The following RGN variants were observed in gnomAD, a reference collection of about 807,000 sequenced individuals.
RGN encodes regucalcin, also known as epididymis secretory protein Li 41.
Under a neutral mutation model 20.6 loss-of-function variants are expected in RGN, and 19 were observed. The observed-to-expected ratio is 0.92, with a 90% CI of 0.64 to 1.35. The LOEUF (loss-of-function observed/expected upper bound fraction) is 1.35. RGN is among the 40% of genes most tolerant of loss of function. The pLI, the probability that RGN is intolerant of heterozygous loss-of-function variation, is 0.00. For synonymous variants in RGN, 85 were observed against 87.2 expected, an observed-to-expected ratio of 0.97 and a Z score of 0.14; for missense variants, 302 against 232.7, an observed-to-expected ratio of 1.30 and a Z score of -1.94.
intron 3 of RGN, among the ~76,000 whole-genome samples, chrX:47,082,962 G>T (rs1229787613): frequency 1.8e-5 from 2 of 111,131 alleles, no homozygotes; most frequent in Admixed American, 9.7e-5. Context: ...TGAGCTAAGG[G>T]TGGCTCCTGA....
chrX:47,091,383 G>A (rs991673269), intron 5 of RGN, among the ~76,000 whole-genome samples: 4 of 111,837 alleles, frequency 3.6e-5, no homozygotes, highest in African/African-American at 9.7e-5. Flanking sequence ...TAGACATGCA[G>A]GGCCCCAGTT....
At position 47,092,954 on chromosome X, in the gene RGN, G is replaced by C; in HGVS notation, c.*7G>C. The C allele has an allele frequency of 8.4e-7, 1 of 1,191,040 alleles. No homozygotes were observed. The highest frequency in any genetic ancestry group is 3.0e-5 in the East Asian group (1 of 33,654). On this transcript the variant is annotated 3_prime_UTR_variant, in exon 8 of 8. Coordinates refer to ENST00000397180, the MANE Select transcript of RGN (RefSeq NM_152869.4). The stretch of plus-strand genomic sequence containing the variant: ...CTACTCCTATGCGGGATGAGGACAG[G>C]TCTTCTTTCCTGCCAGAGGGAGCTC...
At chrX:47,089,596 T>TACAC (rs1342857901) in intron 4 of RGN, among the ~76,000 whole-genome samples, 180 bp from the exon 5 acceptor site, 2 of 38,876 alleles carry the variant, frequency 5.1e-5, no homozygotes, top group Admixed American at 2.8e-4. Context: ...TATATATATA[T>TACAC]ATACACACAC....
In RGN at chrX:47,093,058, C is replaced by T. The variant is rs2057836328; in HGVS notation, c.*111C>T. On this transcript the variant is annotated 3_prime_UTR_variant, in exon 8 of 8. Coordinates refer to ENST00000397180, the MANE Select transcript of RGN (RefSeq NM_152869.4). ...AATGAGGCAATGATTTTATTAACAG[C>T]GTTAAGTTTTAATTTACAACTTTTA... 9 of 591,189 alleles carry T rather than the reference C, an allele frequency of 1.5e-5. No homozygotes were observed. In the East Asian group the frequency reaches 1.8e-4, roughly 12 times the overall value. 48.7% of individuals were successfully genotyped at this position (591,189 alleles called of 1,213,427 possible).
intron 4 of RGN, among the ~76,000 whole-genome samples, chrX:47,088,098 CTCTT>C (rs1355965954): frequency 3.8e-4 from 40 of 105,301 alleles, no homozygotes; most frequent in African/African-American, 1.4e-3. Flanking sequence ...GCACCTGAGA[CTCTT>C]TCTCAAGAGA....
Position 47,093,190 on chromosome X carries a change from A to G in RGN, c.*243A>G. Reference sequence around the variant, plus strand: ...AGGGCGAAGAATCGTTCAACTGTCAATCAGCCTCTTGATTCTTTGTAAATT... The same window carrying G: ...AGGGCGAAGAATCGTTCAACTGTCAGTCAGCCTCTTGATTCTTTGTAAATT... On this transcript the variant is annotated 3_prime_UTR_variant, in exon 8 of 8. Coordinates refer to ENST00000397180, the MANE Select transcript of RGN (RefSeq NM_152869.4). 5.4e-6 allele frequency: 2 copies of G among 367,354 alleles called. No homozygotes were observed. The highest frequency in any genetic ancestry group is 9.4e-6 in the Non-Finnish European group (2 of 213,694). The allele number at this position is 367,354 out of a possible 1,213,427, so 30.3% of individuals were successfully genotyped here. A position where few individuals can be genotyped will look rare whatever the true frequency, so the allele number is the denominator to read the frequency against.
At chrX:47,090,961 A>AAGGAAGGAAAGAGAAAGAAAGAAAGAAAG (rs1556387554) in intron 5 of RGN, among the ~76,000 whole-genome samples, 6 of 63,565 alleles carry the variant, frequency 9.4e-5, no homozygotes, top group South Asian at 7.2e-4. Context: ...AGAAAGAAAG[A>AAGGAAGGAAAGAGAAAGAAAGAAAGAAAG]AAGAAAGAAA....
intron 1 of RGN, among the ~76,000 whole-genome samples, chrX:47,079,708 G>C (rs1274712176): frequency 9.0e-6 from 1 of 111,164 alleles, no homozygotes; most frequent in Non-Finnish European, 1.9e-5. Flanking sequence ...TGAGATTACA[G>C]GCATGAGCCA....
chrX:47,085,526 A>C (rs782148226), intron 4 of RGN, among the ~76,000 whole-genome samples: 39 of 111,401 alleles, frequency 3.5e-4, no homozygotes, highest in Non-Finnish European at 6.6e-4. Context: ...CAAAAAAAAA[A>C]AGAATAGTAC....
chrX:47,089,595 A>ACTT (rs1556386251), intron 4 of RGN, among the ~76,000 whole-genome samples, 181 bp from the exon 5 acceptor site: 41 of 37,491 alleles, frequency 1.1e-3, no homozygotes, highest in South Asian at 4.0e-3. Context: ...ATATATATAT[A>ACTT]TATACACACA....
chrX:47,079,356 GTT>G (rs201087134), intron 1 of RGN, among the ~76,000 whole-genome samples: 224 of 50,589 alleles, frequency 4.4e-3, no homozygotes, highest in African/African-American at 0.022. Context: ...TTTTTTGTTT[GTT>G]TTTTTTTTTG....
chrX:47,085,184 A>C (rs1490798301), intron 4 of RGN, among the ~76,000 whole-genome samples: 9 of 111,408 alleles, frequency 8.1e-5, no homozygotes, highest in African/African-American at 9.8e-5. Flanking sequence ...TTTGTTGTTG[A>C]TGTTTAAATC....
At chrX:47,086,764 AG>A (rs1930612059) in intron 4 of RGN, among the ~76,000 whole-genome samples, 4 of 106,474 alleles carry the variant, frequency 3.8e-5, no homozygotes, top group African/African-American at 1.4e-4. Flanking sequence ...AGAGAGAGAG[AG>A]AGAGAGAGAG....
At chrX:47,084,623 C>T (rs1930505748) in intron 4 of RGN, 23 bp downstream of exon 4, 2 of 1,131,575 alleles carry the variant, frequency 1.8e-6, no homozygotes, top group African/African-American at 1.8e-5. Flanking sequence ...TTAACACCTA[C>T]TTATTACTGA....
chrX:47,079,457 G>T (rs1930197575), intron 1 of RGN, among the ~76,000 whole-genome samples: 1 of 105,118 alleles, frequency 9.5e-6, no homozygotes, highest in African/African-American at 3.5e-5. Flanking sequence ...TTGAGACGGA[G>T]TCTTACTCTG....
intron 3 of RGN, among the ~76,000 whole-genome samples, chrX:47,081,580 C>T (rs1363546886): frequency 9.2e-6 from 1 of 109,054 alleles, no homozygotes; most frequent in Non-Finnish European, 1.9e-5. Context: ...CAGGGTCTCA[C>T]CGTGTTGCCC....
intron 3 of RGN, among the ~76,000 whole-genome samples, chrX:47,082,932 T>C (rs1017484776): frequency 1.8e-5 from 2 of 110,556 alleles, no homozygotes; most frequent in Non-Finnish European, 1.9e-5. Flanking sequence ...ATGGCTCCAA[T>C]CAAAGTGTGA....
chrX:47,090,893 G>A (rs1196947405), intron 5 of RGN, among the ~76,000 whole-genome samples: 1 of 46,873 alleles, frequency 2.1e-5, no homozygotes, highest in Non-Finnish European at 4.2e-5. Flanking sequence ...AAAAGAAGAA[G>A]AAAGAAAGAA....
rs1052826839 is a variant in RGN at position 47,093,137 on chromosome X, T to C, written c.*190T>C. On this transcript the variant is annotated 3_prime_UTR_variant, in exon 8 of 8. Coordinates refer to ENST00000397180, the MANE Select transcript of RGN (RefSeq NM_152869.4). ...ACAGGTGGTTTTGATAACACACTTA[T>C]AAGGCTTTCTGTAAAAGGTACTATA... 23 of 422,921 alleles carry C rather than the reference T, an allele frequency of 5.4e-5. No individual in the cohort carries two copies. In the Admixed American group the frequency reaches 6.6e-4, roughly 12 times the overall value. The allele number at this position is 422,921 out of a possible 1,213,427, so 34.9% of individuals were successfully genotyped here. A position where few individuals can be genotyped will look rare whatever the true frequency, so the allele number is the denominator to read the frequency against.
Sources: gnomAD v4.1 joint callset for allele counts (sites outside exome capture counted in the v4.1 genomes callset) on GRCh38, gnomAD v4.1.1 for gene constraint, MANE v1.5 for transcripts, NCBI Gene and HGNC (gene_info 2026-07-23, HGNC 2026-07-21) for gene names.